The following CNTNAP2 variants were observed in gnomAD, a reference collection of about 807,000 sequenced individuals.
CNTNAP2 encodes contactin-associated protein-like 2.
CNTNAP2 carries 98 observed loss-of-function variants against 155.2 expected under a neutral mutation model. That is an observed-to-expected ratio of 0.63 (90% confidence interval 0.54 to 0.75). CNTNAP2 has a LOEUF of 0.75. CNTNAP2 is among the 30% of genes least tolerant of loss of function. CNTNAP2 has a pLI of 0.00. For missense variants in CNTNAP2, 1,727 were observed against 1,688.1 expected, an observed-to-expected ratio of 1.02 and a Z score of -0.40; for synonymous variants, 651 against 631.2, an observed-to-expected ratio of 1.03 and a Z score of -0.47.
chr7:148,076,046 T>C (rs1186391950), intron 15 of CNTNAP2, among the ~76,000 whole-genome samples: 1 of 152,178 alleles, frequency 6.6e-6, no homozygotes, highest in Non-Finnish European at 1.5e-5. Context: ...GCAATAAGAA[T>C]GAATATAAAT....
At chr7:146,724,248 T>G (rs568352452) in intron 1 of CNTNAP2, among the ~76,000 whole-genome samples, 48 of 152,190 alleles carry the variant, frequency 3.2e-4, no homozygotes, top group Non-Finnish European at 5.9e-4. Context: ...TTTTGGTGAT[T>G]AAATGAAGTA....
chr7:147,630,303 A>G (rs1179497492), intron 12 of CNTNAP2, among the ~76,000 whole-genome samples: 2 of 135,544 alleles, frequency 1.5e-5, no homozygotes, highest in Admixed American at 7.9e-5. Context: ...AAATAGCAAA[A>G]TTGAAACAGT....
chr7:148,137,529 G>A (rs1231510818), intron 16 of CNTNAP2, among the ~76,000 whole-genome samples: 1 of 152,174 alleles, frequency 6.6e-6, no homozygotes, highest in African/African-American at 2.4e-5. Context: ...AGATGTGGTG[G>A]CGCGTGCCTG....
intron 13 of CNTNAP2, among the ~76,000 whole-genome samples, chr7:147,750,388 T>A (rs1173548085): frequency 6.6e-6 from 1 of 152,240 alleles, no homozygotes; most frequent in Non-Finnish European, 1.5e-5. Context: ...TGAATTGGAT[T>A]ATTTCTCATT....
chr7:148,001,584 G>T (rs929278766), intron 15 of CNTNAP2, among the ~76,000 whole-genome samples: 2 of 152,236 alleles, frequency 1.3e-5, no homozygotes, highest in South Asian at 4.2e-4. Flanking sequence ...AAAGAATTAG[G>T]ACTCTTCTTG....
At chr7:148,021,615 G>C (rs1367494570) in intron 15 of CNTNAP2, among the ~76,000 whole-genome samples, 1 of 152,254 alleles carries the variant, frequency 6.6e-6, no homozygotes. Flanking sequence ...CCACCTGCGA[G>C]AGACGGCGCT....
At chr7:148,048,707 G>GAAC (rs1314979175) in intron 15 of CNTNAP2, among the ~76,000 whole-genome samples, 1 of 152,162 alleles carries the variant, frequency 6.6e-6, no homozygotes, top group African/African-American at 2.4e-5. Context: ...TGGGAGTCAA[G>GAAC]AACAGTGAGC....
At chr7:146,456,482 C>T (rs1006048593) in intron 1 of CNTNAP2, among the ~76,000 whole-genome samples, 1 of 152,060 alleles carries the variant, frequency 6.6e-6, no homozygotes, top group African/African-American at 2.4e-5. Flanking sequence ...ACTTCCTCTG[C>T]TTGGGCTTTA....
At chr7:147,496,328 A>C (rs1243415667) in intron 11 of CNTNAP2, among the ~76,000 whole-genome samples, 2 of 152,168 alleles carry the variant, frequency 1.3e-5, no homozygotes, top group Admixed American at 1.3e-4. Context: ...ACTGAATGAT[A>C]TTTAAGTTTT....
intron 8 of CNTNAP2, among the ~76,000 whole-genome samples, chr7:147,179,569 G>A (rs906946999): frequency 6.6e-6 from 1 of 152,188 alleles, no homozygotes; most frequent in Non-Finnish European, 1.5e-5. Flanking sequence ...AGTGAAACCA[G>A]TTGACCCATT....
At chr7:146,507,890 T>G (rs1797408294) in intron 1 of CNTNAP2, among the ~76,000 whole-genome samples, 5 of 152,172 alleles carry the variant, frequency 3.3e-5, no homozygotes, top group Admixed American at 3.3e-4. Flanking sequence ...CCTTTCCATG[T>G]GAAGACAAAC....
intron 3 of CNTNAP2, among the ~76,000 whole-genome samples, chr7:146,968,234 G>A (rs1349373891): frequency 6.6e-6 from 1 of 151,938 alleles, no homozygotes; most frequent in East Asian, 1.9e-4. Context: ...GCGGATTTTT[G>A]CATCAATGTT....
At chr7:147,760,768 C>T (rs1797286492) in intron 13 of CNTNAP2, among the ~76,000 whole-genome samples, 1 of 152,166 alleles carries the variant, frequency 6.6e-6, no homozygotes, top group South Asian at 2.1e-4. Context: ...AAACCTTGTG[C>T]TCTGTGGACA....
intron 11 of CNTNAP2, among the ~76,000 whole-genome samples, chr7:147,527,977 C>A (rs182643559): frequency 4.3e-4 from 66 of 152,254 alleles, no homozygotes; most frequent in African/African-American, 1.5e-3. Context: ...GAGCTCAATC[C>A]CACTGGAGAG....
intron 13 of CNTNAP2, among the ~76,000 whole-genome samples, chr7:147,822,949 T>C (rs1798385225): frequency 6.6e-6 from 1 of 152,216 alleles, no homozygotes; most frequent in South Asian, 2.1e-4. Flanking sequence ...ACAGAAAATA[T>C]CATTTTATCA....
At chr7:148,166,505 T>C (rs1015537473) in intron 17 of CNTNAP2, among the ~76,000 whole-genome samples, 1 of 152,018 alleles carries the variant, frequency 6.6e-6, no homozygotes, top group African/African-American at 2.4e-5. Context: ...TTTTTATAAT[T>C]CCTCTTGATC....
intron 9 of CNTNAP2, among the ~76,000 whole-genome samples, chr7:147,353,312 G>A (rs548904763): frequency 1.1e-4 from 17 of 150,974 alleles, no homozygotes; most frequent in African/African-American, 2.2e-4. Context: ...CCTACTCCCC[G>A]ACAGGCCCCA....
At chr7:146,721,330 TTCTA>T (rs1239921892) in intron 1 of CNTNAP2, among the ~76,000 whole-genome samples, 1 of 131,518 alleles carries the variant, frequency 7.6e-6, no homozygotes, top group Admixed American at 8.1e-5. Context: ...TATATATACA[TTCTA>T]TATACATTCT....
At chr7:148,160,697 T>TG (rs34106953) in intron 17 of CNTNAP2, among the ~76,000 whole-genome samples, 1 of 152,180 alleles carries the variant, frequency 6.6e-6, no homozygotes, top group Admixed American at 6.5e-5. Flanking sequence ...TCCCTGGGGC[T>TG]GGGGGTCTCT....
Sources: gnomAD v4.1 joint callset for allele counts (sites outside exome capture counted in the v4.1 genomes callset) on GRCh38, gnomAD v4.1.1 for gene constraint, MANE v1.5 for transcripts, NCBI Gene and HGNC (gene_info 2026-07-23, HGNC 2026-07-21) for gene names.